Variants in CEP164 observed in about 807,000 individuals in gnomAD.
CEP164 encodes the protein centrosomal protein of 164 kDa.
CEP164 carries 162 observed loss-of-function variants against 182.7 expected under a neutral mutation model. The ratio of observed to expected loss-of-function variants is 0.89; its 90% CI spans 0.78 to 1.01. The LOEUF (loss-of-function observed/expected upper bound fraction) is 1.01. Ranked by LOEUF, CEP164 falls within the 50% of genes least tolerant of loss-of-function variation. The pLI, the probability that CEP164 is intolerant of heterozygous loss-of-function variation, is 0.00. For synonymous variants in CEP164, 661 were observed against 690.0 expected, an observed-to-expected ratio of 0.96 and a Z score of 0.66; for missense variants, 1,735 against 1,790.4, an observed-to-expected ratio of 0.97 and a Z score of 0.56.
chr11:117,379,838 A>G (rs559398990), intron 11 of CEP164, among the ~76,000 whole-genome samples: 2 of 150,424 alleles, frequency 1.3e-5, no homozygotes, highest in African/African-American at 4.9e-5. Flanking sequence ...CCTTGCCTCA[A>G]AGAATAGTTC....
chr11:117,349,752 A>G (rs999110516), intron 4 of CEP164, among the ~76,000 whole-genome samples: 1 of 152,128 alleles, frequency 6.6e-6, no homozygotes, highest in Non-Finnish European at 1.5e-5. Context: ...CCCCCATGCT[A>G]TTTACCAAAG....
chr11:117,377,987 A>G (rs927100581), intron 11 of CEP164, among the ~76,000 whole-genome samples: 1 of 151,424 alleles, frequency 6.6e-6, no homozygotes, highest in Non-Finnish European at 1.5e-5. Flanking sequence ...AGCCTCCCCA[A>G]GTAGCTGGGA....
chr11:117,363,294 T>G, intron 7 of CEP164, 135 bp from the exon 8 acceptor site: 2 of 624,728 alleles, frequency 3.2e-6, no homozygotes. Flanking sequence ...GTGGTGGTCC[T>G]GCTCTGAGTC....
chr11:117,392,537 G>A lies in CEP164; in HGVS notation c.2403G>A (p.Gln801=). The change falls in exon 19 of 33, where the codon CAG becomes CAA. Residue 801 remains glutamine, a synonymous_variant. Transcript: ENST00000278935. The part of the protein sequence containing the change: ...SLQKKIQEAQ[Q]KEEAQLQKCL... ...AGAAGAAGATACAGGAAGCTCAACA[G>A]AAAGAGGAGGCCCAGCTGCAGAAGT... 6.2e-7 allele frequency: 1 copy of A among 1,614,182 alleles called. No individual in the cohort carries two copies. Among genetic ancestry groups the A allele is most frequent in the Non-Finnish European group, 8.5e-7 (1 of 1,180,026 alleles).
chr11:117,322,577 A>T (rs1426484070), intron 1 of CEP164, among the ~76,000 whole-genome samples: 2 of 150,760 alleles, frequency 1.3e-5, no homozygotes, highest in African/African-American at 2.4e-5. Context: ...TTTTTTTGAG[A>T]CAGAGTTTTA....
chr11:117,403,649 G>A (rs758726058), intron 27 of CEP164, among the ~76,000 whole-genome samples: 1 of 152,014 alleles, frequency 6.6e-6, no homozygotes, highest in South Asian at 2.1e-4. Flanking sequence ...TGCTCTTCTC[G>A]AGGAGTATCT....
At chr11:117,342,188 A>C (rs576309649) in intron 3 of CEP164, among the ~76,000 whole-genome samples, 1 of 152,288 alleles carries the variant, frequency 6.6e-6, no homozygotes, top group South Asian at 2.1e-4. Flanking sequence ...CATGGCTCAT[A>C]GTGACTGGTA....
intron 5 of CEP164, among the ~76,000 whole-genome samples, chr11:117,358,349 T>C (rs868049307): frequency 2.0e-5 from 3 of 152,240 alleles, no homozygotes; most frequent in Middle Eastern, 6.8e-3. Context: ...CTTGTCTCCC[T>C]CCCTCAAGCC....
chr11:117,353,399 G>C (rs2039913243), intron 5 of CEP164, among the ~76,000 whole-genome samples: 1 of 152,164 alleles, frequency 6.6e-6, no homozygotes, highest in Non-Finnish European at 1.5e-5. Flanking sequence ...AATGTCATGT[G>C]TTTGAATGGC....
rs371657828 is a variant in CEP164 at position 117,398,337 on chromosome 11, G to A, written c.3501+1024G>A. On this transcript the variant is annotated intron_variant, in intron 27 of 32. Coordinates refer to ENST00000278935, the MANE Select transcript of CEP164 (RefSeq NM_014956.5). The stretch of plus-strand genomic sequence containing the variant: ...GGCAAACCCTTCCCAGCTGCCTTCC[G>A]AGGCTGGCATTGAGTATCTGCGGCT... 4.6e-5 allele frequency among the ~76,000 whole-genome samples: 7 copies of A among 152,306 alleles called. No homozygotes were observed. In the East Asian group the frequency reaches 5.8e-4, roughly 13 times the overall value.
chr11:117,341,366 C>T (rs912705001), intron 3 of CEP164, among the ~76,000 whole-genome samples: 4 of 152,130 alleles, frequency 2.6e-5, no homozygotes, highest in African/African-American at 9.7e-5. Flanking sequence ...CCAGTATACT[C>T]AACATAACAC....
In CEP164 at chr11:117,344,163, C is replaced by T; in HGVS notation, c.83-3C>T. ...ACTTTCCCACCTCTGCCTCTCCTTG[C>T]AGAAATTCTTGAATTTGCCCGGGAG... is the stretch of plus-strand genomic sequence containing the variant. On this transcript the variant is annotated splice_region_variant and splice_polypyrimidine_tract_variant and intron_variant, in intron 3 of 32. Transcript: ENST00000278935. The T allele has an allele frequency of 6.3e-7, 1 of 1,596,948 alleles. No individual in the cohort carries two copies. The highest frequency in any genetic ancestry group is 8.6e-7 in the Non-Finnish European group (1 of 1,167,122).
chr11:117,359,755 T>C (rs950563067), intron 5 of CEP164, among the ~76,000 whole-genome samples: 1 of 152,164 alleles, frequency 6.6e-6, no homozygotes, highest in African/African-American at 2.4e-5. Flanking sequence ...GCCTAAATTA[T>C]TGTAATGTGA....
At chr11:117,322,875 C>T (rs938634700), upstream of CEP164, among the ~76,000 whole-genome samples, 83 of 147,986 alleles carry the variant, frequency 5.6e-4, no homozygotes, top group African/African-American at 1.8e-3. Flanking sequence ...AAGCAATTCT[C>T]CTGCTTCAGC....
At chr11:117,383,364 A>G (rs2043560786) in intron 14 of CEP164, among the ~76,000 whole-genome samples, 1 of 152,094 alleles carries the variant, frequency 6.6e-6, no homozygotes, top group South Asian at 2.1e-4. Context: ...TATAATGGCC[A>G]CTCAAACAGG....
Position 117,394,382 on chromosome 11 carries a change from C to A in CEP164, c.2649C>A (p.His883Gln), listed in dbSNP as rs1469941341. The A allele has an allele frequency of 1.2e-6, 2 of 1,609,492 alleles. No individual in the cohort carries two copies. Among genetic ancestry groups the A allele is most frequent in the East Asian group, 2.2e-5 (1 of 44,730 alleles). Reference protein sequence around the residue: ...ERKQRAELLGHLTGELERLQR... With the variant: ...ERKQRAELLGQLTGELERLQR... ...AGCAGCGGGCTGAGCTTCTGGGGCA[C>A]CTGACCGGAGAGCTGGAGCGCCTGC... Residue 883 changes from histidine (H) to glutamine (Q), a missense_variant, in exon 21 of 33, where the codon CAC becomes CAA. His to Gln is a conservative substitution (Grantham distance 24, BLOSUM62 0). Coordinates refer to ENST00000278935, the MANE Select transcript of CEP164 (RefSeq NM_014956.5). The surrounding 1 kb of genome is among the most constrained non-coding windows in gnomAD (Gnocchi z 4.0).
intron 11 of CEP164, among the ~76,000 whole-genome samples, chr11:117,379,814 G>A (rs74661474): frequency 0.022 from 3,306 of 150,168 alleles, 60 homozygotes; most frequent in Non-Finnish European, 0.035. Context: ...TCCAGGCTGG[G>A]TGACAAAGTG....
At chr11:117,326,286 T>C (rs992822400), upstream of CEP164, among the ~76,000 whole-genome samples, 1 of 151,964 alleles carries the variant, frequency 6.6e-6, no homozygotes, top group Non-Finnish European at 1.5e-5. Flanking sequence ...TGGAGTGCAG[T>C]GGCTTGATCT....
rs1224332260 is a variant in CEP164 at position 117,371,070 on chromosome 11, T to C, written c.766-10T>C. On this transcript the variant is annotated splice_polypyrimidine_tract_variant and intron_variant, in intron 8 of 32. Transcript: ENST00000278935. Reference sequence around the variant, plus strand: ...TGTCTTCCTTTCTAACATGGTCTGTTGCTCCCTAGGAGTCTCTGAGAACAA... The same window carrying C: ...TGTCTTCCTTTCTAACATGGTCTGTCGCTCCCTAGGAGTCTCTGAGAACAA... 2.6e-6 allele frequency: 4 copies of C among 1,558,314 alleles called. No individual in the cohort carries two copies. The East Asian group carries it at 6.8e-5, about 26-fold the overall frequency.
Sources: allele counts gnomAD v4.1 joint callset (sites outside exome capture counted in the v4.1 genomes callset), GRCh38; gene constraint gnomAD v4.1.1; non-coding constraint Gnocchi (gnomAD v3.1); transcripts MANE v1.5; gene names NCBI Gene and HGNC (gene_info 2026-07-23, HGNC 2026-07-21).